Variants in MAPRE2 observed in about 807,000 individuals in gnomAD.
The protein encoded by MAPRE2 is microtubule-associated protein RP/EB family member 2.
MAPRE2 carries 13 observed loss-of-function variants against 43.2 expected under a neutral mutation model. That is an observed-to-expected ratio of 0.30 (90% confidence interval 0.20 to 0.48). MAPRE2 has a LOEUF of 0.48. MAPRE2 is among the 20% of genes least tolerant of loss of function. The pLI is 0.99. For missense variants in MAPRE2, 161 were observed against 400.2 expected, an observed-to-expected ratio of 0.40 and a Z score of 5.10; for synonymous variants, 135 against 148.8, an observed-to-expected ratio of 0.91 and a Z score of 0.68.
chr18:35,132,096 T>C lies in MAPRE2; in HGVS notation c.815T>C (p.Leu272Ser). 1 of 1,614,216 alleles carries C rather than the reference T, an allele frequency of 6.2e-7. No individual in the cohort carries two copies. Among genetic ancestry groups the C allele is most frequent in the East Asian group, 2.2e-5 (1 of 44,882 alleles). The change falls in exon 6 of 7, where the codon TTG (leucine) becomes TCG (serine). Residue 272 changes from leucine to serine, a missense_variant. Coordinates refer to ENST00000300249, the MANE Select transcript of MAPRE2 (RefSeq NM_014268.4). The part of the protein sequence containing the change: ...EKERDFYFGK[L>S]REIELLCQEH... The stretch of plus-strand genomic sequence containing the variant: ...GAAAGGGATTTCTACTTTGGGAAGT[T>C]GAGAGAGATCGAGCTACTCTGCCAA...
chr18:35,093,211 C>CAAAA (rs56833433), intron 2 of MAPRE2, among the ~76,000 whole-genome samples: 3 of 52,270 alleles, frequency 5.7e-5, no homozygotes, highest in African/African-American at 7.7e-5. Flanking sequence ...GACCCTGTCT[C>CAAAA]AAAAAAAAAA....
At position 35,064,000 on chromosome 18, in the gene MAPRE2, T is replaced by TAAAAAAAAAAAAAAAAAAAA. The variant is rs575347953; in HGVS notation, c.123-6181_123-6162dup. ...ACTGCCGAGTGAGACCCTGTCTCTT[T>TAAAAAAAAAAAAAAAAAAAA]AAAAAAAAAAAAAAAAAAAAAAAAA... is the stretch of plus-strand genomic sequence containing the variant. On this transcript the variant is annotated intron_variant, in intron 1 of 6. Transcript: ENST00000300249. Among the ~76,000 whole-genome samples the TAAAAAAAAAAAAAAAAAAAA allele has an allele frequency of 1.5e-4, 5 of 33,966 alleles. 1 individual carries two copies. Among genetic ancestry groups the TAAAAAAAAAAAAAAAAAAAA allele is most frequent in the Admixed American group, 1.0e-3 (2 of 1,978 alleles). 22.3% of individuals were successfully genotyped at this position (33,966 alleles called of 152,430 possible).
chr18:35,095,379 C>T (rs868738262), intron 2 of MAPRE2, among the ~76,000 whole-genome samples: 1 of 141,840 alleles, frequency 7.1e-6, no homozygotes, highest in African/African-American at 3.0e-5. Context: ...CACACACACA[C>T]ACACACACAC....
chr18:35,097,219 G>T (rs763137653), intron 2 of MAPRE2, among the ~76,000 whole-genome samples: 3 of 152,186 alleles, frequency 2.0e-5, no homozygotes, highest in Non-Finnish European at 4.4e-5. Context: ...ACAATACACG[G>T]AGTTTAGGGT....
intron 1 of MAPRE2, among the ~76,000 whole-genome samples, chr18:34,990,983 G>T (rs551480641): frequency 6.6e-6 from 1 of 152,242 alleles, no homozygotes; most frequent in East Asian, 1.9e-4. Context: ...ATAATCTGAT[G>T]GGGGGAGGAT....
intron 1 of MAPRE2, among the ~76,000 whole-genome samples, chr18:35,055,539 G>C (rs564357513): frequency 1.8e-3 from 257 of 142,504 alleles, no homozygotes; most frequent in African/African-American, 5.1e-3. Context: ...TCAGTTCTCT[G>C]TGTGTGTGTG....
intron 1 of MAPRE2, among the ~76,000 whole-genome samples, chr18:35,005,121 C>T (rs1455422582): frequency 6.6e-6 from 1 of 151,900 alleles, no homozygotes; most frequent in African/African-American, 2.4e-5. Flanking sequence ...TATTTGATAC[C>T]CCACTAGAGG....
At chr18:35,120,835 G>A (rs1909634514) in intron 4 of MAPRE2, among the ~76,000 whole-genome samples, 1 of 152,136 alleles carries the variant, frequency 6.6e-6, no homozygotes, top group African/African-American at 2.4e-5. Context: ...CAATACAGAT[G>A]CAGTGTATCT....
intron 2 of MAPRE2, among the ~76,000 whole-genome samples, chr18:35,092,291 T>G (rs2144154249): frequency 6.6e-6 from 1 of 152,254 alleles, no homozygotes; most frequent in East Asian, 1.9e-4. Flanking sequence ...TCCAACAGAA[T>G]AGAGCACACA....
intron 1 of MAPRE2, among the ~76,000 whole-genome samples, chr18:34,990,447 C>A (rs2097023201): frequency 6.6e-6 from 1 of 152,066 alleles, no homozygotes; most frequent in South Asian, 2.1e-4. Context: ...ATGGTGGACT[C>A]TTGGAGAATT....
intron 4 of MAPRE2, among the ~76,000 whole-genome samples, chr18:35,104,618 A>C (rs1268693936): frequency 6.6e-6 from 1 of 152,138 alleles, no homozygotes; most frequent in East Asian, 1.9e-4. Flanking sequence ...TTAGAAAGGA[A>C]AAGAGAGGAT....
Position 35,121,719 on chromosome 18 carries a change from A to C in MAPRE2, c.611-5229A>C, listed in dbSNP as rs923206476. ...TGTAAATGTTTTCCACATAAGCATC[A>C]TTGAGCCAAGAGGCCTGGTAAAGGT... On this transcript the variant is annotated intron_variant, in intron 4 of 6. Transcript: ENST00000300249. Among the ~76,000 whole-genome samples, 4 of 152,352 alleles carry C rather than the reference A, an allele frequency of 2.6e-5. No homozygotes were observed. In the South Asian group the frequency reaches 8.3e-4, roughly 32 times the overall value.
intron 1 of MAPRE2, chr18:35,005,355 A>T (rs917883371): frequency 3.8e-6 from 2 of 521,692 alleles, no homozygotes; most frequent in Non-Finnish European, 6.9e-6. Flanking sequence ...TGACTTTTGG[A>T]TATTTGGCGT....
chr18:34,982,329 T>C (rs2097016850), intron 1 of MAPRE2, among the ~76,000 whole-genome samples: 1 of 152,150 alleles, frequency 6.6e-6, no homozygotes, highest in Non-Finnish European at 1.5e-5. Context: ...TACAGACCCT[T>C]AGAGATTAGT....
intron 1 of MAPRE2, among the ~76,000 whole-genome samples, chr18:34,995,799 C>G (rs2097026203): frequency 6.6e-6 from 1 of 152,096 alleles, no homozygotes; most frequent in Admixed American, 6.6e-5. Flanking sequence ...GCTCCTTTAC[C>G]AAGCGCATGT....
At position 35,140,305 on chromosome 18, in the gene MAPRE2, C is replaced by T. The variant is rs919525609; in HGVS notation, c.920C>T (p.Thr307Ile). ...CTCCCCTGCCCACAGGAGGGCCACA[C>T]AGAAGAGCCGGAAGCAGAGGAGCAA... ...LYASEEHEGH[T>I]EEPEAEEQAH... The change falls in exon 7 of 7, where the codon ACA (threonine) becomes ATA (isoleucine). Residue 307 changes from threonine to isoleucine, a missense_variant. Around this residue, in one of 2 missense-constraint regions of MAPRE2, gnomAD observed 96 missense variants for 153.3 expected, o/e 0.63. Transcript: ENST00000300249. 6.2e-7 allele frequency: 1 copy of T among 1,613,764 alleles called. No individual in the cohort carries two copies. The highest frequency in any genetic ancestry group is 1.7e-5 in the Admixed American group (1 of 60,002).
intron 2 of MAPRE2, among the ~76,000 whole-genome samples, chr18:35,071,032 G>T (rs2038594302): frequency 1.3e-5 from 2 of 152,214 alleles, no homozygotes; most frequent in Admixed American, 1.3e-4. Context: ...GTGTTAGGAT[G>T]TCTAACTCCT....
intron 1 of MAPRE2, among the ~76,000 whole-genome samples, chr18:35,041,988 C>T (rs1905393454): frequency 6.6e-6 from 1 of 152,186 alleles, no homozygotes; most frequent in Admixed American, 6.5e-5. Context: ...TCCTTTCCTC[C>T]TTCCCTTTTA....
chr18:35,133,468 T>TACAGA (rs1275557302), intron 6 of MAPRE2, among the ~76,000 whole-genome samples: 1 of 152,172 alleles, frequency 6.6e-6, no homozygotes, highest in East Asian at 1.9e-4. Flanking sequence ...GTCCTGTGTG[T>TACAGA]ACAGAGTGCT....
Sources: gnomAD v4.1 joint callset for allele counts (sites outside exome capture counted in the v4.1 genomes callset) on GRCh38, gnomAD v4.1.1 for gene constraint, gnomAD v4.1.1 regional missense constraint, MANE v1.5 for transcripts, NCBI Gene and HGNC (gene_info 2026-07-23, HGNC 2026-07-21) for gene names.